Variants in CDH9 observed in about 807,000 individuals in gnomAD.
CDH9 encodes the protein cadherin 9.
CDH9 carries 28 observed loss-of-function variants against 70.9 expected under a neutral mutation model. The observed-to-expected ratio is 0.40, with a 90% CI of 0.29 to 0.54. The LOEUF (loss-of-function observed/expected upper bound fraction) is 0.54, where lower values mean the gene tolerates loss of function less well. Ranked by LOEUF, CDH9 falls within the 20% of genes least tolerant of loss-of-function variation. The pLI, the probability that CDH9 is intolerant of heterozygous loss-of-function variation, is 0.59. For missense variants in CDH9, 874 were observed against 984.4 expected (o/e 0.89, Z 1.50); for synonymous variants, 409 against 343.1 (o/e 1.19, Z -2.12).
chr5:26,927,863 AC>A (rs1412998282), intron 2 of CDH9, among the ~76,000 whole-genome samples: 3 of 151,882 alleles, frequency 2.0e-5, no homozygotes, highest in Non-Finnish European at 4.4e-5. Context: ...TGAAAACATC[AC>A]CCCTACTTCT....
chr5:27,018,319 C>T (rs1743080961), intron 1 of CDH9, among the ~76,000 whole-genome samples: 1 of 151,330 alleles, frequency 6.6e-6, no homozygotes, highest in South Asian at 2.1e-4. Context: ...AATACATACA[C>T]ACATACATGT....
intron 1 of CDH9, among the ~76,000 whole-genome samples, chr5:27,014,672 G>C (rs1040588735): frequency 1.3e-5 from 2 of 151,750 alleles, no homozygotes; most frequent in Non-Finnish European, 1.5e-5. Context: ...TATAAATATA[G>C]ATATAGATTT....
At chr5:26,936,422 T>A (rs1741559606) in intron 2 of CDH9, among the ~76,000 whole-genome samples, 1 of 151,998 alleles carries the variant, frequency 6.6e-6, no homozygotes, top group African/African-American at 2.4e-5. Flanking sequence ...AGAAACTAAA[T>A]AAATGGAAAC....
intron 9 of CDH9, 27 bp downstream of exon 9, chr5:26,889,809 T>G (rs768225326): frequency 2.1e-6 from 3 of 1,419,600 alleles, no homozygotes; most frequent in Non-Finnish European, 3.0e-6. Flanking sequence ...AAATATATTC[T>G]TTTAAGTTTT....
intron 2 of CDH9, among the ~76,000 whole-genome samples, chr5:26,963,432 T>C (rs1372683496): frequency 6.6e-6 from 1 of 152,170 alleles, no homozygotes; most frequent in Non-Finnish European, 1.5e-5. Flanking sequence ...ATGCCAATTA[T>C]ATCTGTTTTG....
In CDH9 at chr5:26,881,281, C is replaced by T; in HGVS notation, c.2225G>A (p.Gly742Glu). ...YDSLATYAYE[G>E]NDSIADSLSS... ...GAGCGAATCTGCTATGGAATCATTCCCTTCATAGGCATACGTTGCCAGCGA... is the reference window on the plus strand; with the variant it reads ...GAGCGAATCTGCTATGGAATCATTCTCTTCATAGGCATACGTTGCCAGCGA... The change falls in exon 12 of 12, where the codon GGG (glycine) becomes GAG (glutamate). Residue 742 changes from glycine (G) to glutamate (E), a missense_variant. Coordinates refer to ENST00000231021, the MANE Select transcript of CDH9 (RefSeq NM_016279.4). 6.2e-7 allele frequency: 1 copy of T among 1,613,338 alleles called. No individual in the cohort carries two copies. The highest frequency in any genetic ancestry group is 8.5e-7 in the Non-Finnish European group (1 of 1,179,438).
At chr5:26,955,021 G>A (rs2112052783) in intron 2 of CDH9, among the ~76,000 whole-genome samples, 1 of 152,216 alleles carries the variant, frequency 6.6e-6, no homozygotes, top group African/African-American at 2.4e-5. Flanking sequence ...GCAACAGAAT[G>A]AGAACATTAC....
chr5:26,969,818 C>T (rs1742187476), intron 2 of CDH9, among the ~76,000 whole-genome samples: 1 of 150,178 alleles, frequency 6.7e-6, no homozygotes, highest in South Asian at 2.1e-4. Context: ...AAATTGTCAT[C>T]AAAGATCTTA....
intron 2 of CDH9, 100 bp downstream of exon 2, chr5:26,988,006 T>G (rs1579496391): frequency 1.3e-6 from 1 of 780,086 alleles, no homozygotes; most frequent in East Asian, 2.7e-5. Context: ...CATAATTAGT[T>G]AAATATTTTT....
intron 2 of CDH9, among the ~76,000 whole-genome samples, chr5:26,933,420 A>T (rs1391942363): frequency 2.0e-5 from 3 of 152,056 alleles, no homozygotes; most frequent in Non-Finnish European, 4.4e-5. Flanking sequence ...TCATAAAAGG[A>T]ATCAATGAAA....
intron 2 of CDH9, among the ~76,000 whole-genome samples, chr5:26,941,004 G>C (rs994039299): frequency 2.0e-4 from 30 of 152,244 alleles, no homozygotes; most frequent in African/African-American, 6.8e-4. Flanking sequence ...GCTTAGCACA[G>C]AGTAGGGGTT....
chr5:26,944,869 C>T (rs896168609), intron 2 of CDH9, among the ~76,000 whole-genome samples: 1 of 152,006 alleles, frequency 6.6e-6, no homozygotes, highest in Non-Finnish European at 1.5e-5. Flanking sequence ...CTCTTCTTAA[C>T]TTATACTATT....
intron 2 of CDH9, among the ~76,000 whole-genome samples, chr5:26,968,576 A>T (rs2112070222): frequency 6.6e-6 from 1 of 152,284 alleles, no homozygotes. Context: ...TTAAAAATGA[A>T]TAGTTATTAT....
At chr5:27,026,454 C>T (rs1327722605) in intron 1 of CDH9, among the ~76,000 whole-genome samples, 2 of 151,882 alleles carry the variant, frequency 1.3e-5, no homozygotes, top group Admixed American at 1.3e-4. Context: ...CAAGAAACCT[C>T]CCTCACCAAG....
At chr5:27,008,700 A>G (rs1408887708) in intron 1 of CDH9, among the ~76,000 whole-genome samples, 2 of 152,126 alleles carry the variant, frequency 1.3e-5, no homozygotes, top group African/African-American at 4.8e-5. Flanking sequence ...GCCATTTTAA[A>G]GACATAAGCA....
At position 27,019,116 on chromosome 5, in the gene CDH9, T is replaced by A. The variant is rs183433292; in HGVS notation, c.-50+19347A>T. Among the ~76,000 whole-genome samples, 510 of 151,910 alleles carry A rather than the reference T, an allele frequency of 3.4e-3. 1 individual carries two copies. Among genetic ancestry groups the A allele is most frequent in the Admixed American group, 5.8e-3 (88 of 15,182 alleles). On this transcript the variant is annotated intron_variant, in intron 1 of 11. Coordinates refer to ENST00000231021, the MANE Select transcript of CDH9 (RefSeq NM_016279.4). ...CCAAAAAAAGTAGTAACAGGTGAAA[T>A]TCAGAATTGAAATAATTGGTGAAGT... is the stretch of plus-strand genomic sequence containing the variant.
chr5:27,033,400 C>T (rs1010657640), intron 1 of CDH9, among the ~76,000 whole-genome samples: 1 of 150,952 alleles, frequency 6.6e-6, no homozygotes, highest in Admixed American at 6.6e-5. Flanking sequence ...ACAGACATAG[C>T]TATAGATACA....
At chr5:26,927,844 G>A (rs1741370880) in intron 2 of CDH9, among the ~76,000 whole-genome samples, 1 of 151,936 alleles carries the variant, frequency 6.6e-6, no homozygotes, top group African/African-American at 2.4e-5. Flanking sequence ...GTAATTCCAT[G>A]ACACTGTCTG....
intron 2 of CDH9, among the ~76,000 whole-genome samples, chr5:26,928,665 T>A (rs79697433): frequency 6.6e-6 from 1 of 151,888 alleles, no homozygotes; most frequent in Non-Finnish European, 1.5e-5. Flanking sequence ...TCGAACAGAA[T>A]AGAGAACCCA....
Sources: allele counts gnomAD v4.1 joint callset (sites outside exome capture counted in the v4.1 genomes callset), GRCh38; gene constraint gnomAD v4.1.1; transcripts MANE v1.5; gene names NCBI Gene and HGNC (gene_info 2026-07-23, HGNC 2026-07-21).